Variants in HIPK3 observed in about 807,000 individuals in gnomAD.
HIPK3 encodes the protein homeodomain interacting protein kinase 3.
A neutral mutation model predicts 124.2 loss-of-function variants in HIPK3; 47 were observed. The observed-to-expected ratio is 0.38, with a 90% CI of 0.30 to 0.48. The LOEUF (loss-of-function observed/expected upper bound fraction) is 0.48. Ranked by LOEUF, HIPK3 falls within the 20% of genes least tolerant of loss-of-function variation. The pLI, the probability that HIPK3 is intolerant of heterozygous loss-of-function variation, is 0.98. For missense variants in HIPK3, 1,286 were observed against 1,454.3 expected (o/e 0.88, Z 1.88); for synonymous variants, 482 against 515.2 (o/e 0.94, Z 0.87).
chr11:33,268,940 T>C (rs771102870), intron 1 of HIPK3, among the ~76,000 whole-genome samples: 3 of 152,236 alleles, frequency 2.0e-5, no homozygotes, highest in Non-Finnish European at 4.4e-5. Context: ...GGGAATGTTA[T>C]ACTTTCATTT....
At chr11:33,326,375 TTAAGA>T (rs1406618164) in intron 2 of HIPK3, among the ~76,000 whole-genome samples, 1 of 152,150 alleles carries the variant, frequency 6.6e-6, no homozygotes, top group Non-Finnish European at 1.5e-5. Flanking sequence ...CCAGTCTCAG[TTAAGA>T]AATTAGCAGG....
At chr11:33,306,364 A>AT (rs1257133922) in intron 2 of HIPK3, among the ~76,000 whole-genome samples, 1 of 152,196 alleles carries the variant, frequency 6.6e-6, no homozygotes, top group Non-Finnish European at 1.5e-5. Context: ...GAAAAAATAA[A>AT]TTCATTGAGG....
intron 1 of HIPK3, among the ~76,000 whole-genome samples, chr11:33,270,565 CT>C (rs1851098202): frequency 6.6e-6 from 1 of 152,088 alleles, no homozygotes; most frequent in Non-Finnish European, 1.5e-5. Flanking sequence ...CTTATTACAA[CT>C]TTATATGAAC....
chr11:33,280,800 T>C (rs1022893251), intron 1 of HIPK3, among the ~76,000 whole-genome samples: 3 of 152,242 alleles, frequency 2.0e-5, no homozygotes, highest in Non-Finnish European at 2.9e-5. Flanking sequence ...TAACATGGCA[T>C]GAATTAGCCT....
intron 2 of HIPK3, among the ~76,000 whole-genome samples, chr11:33,310,281 T>TATCTATC (rs1554965371): frequency 0.12 from 14,809 of 120,670 alleles, 1,030 homozygotes; most frequent in Middle Eastern, 0.21. Context: ...TCTGTCTATC[T>TATCTATC]TATCTATCTA....
At chr11:33,342,133 G>A (rs1474044412) in intron 8 of HIPK3, among the ~76,000 whole-genome samples, 1 of 142,708 alleles carries the variant, frequency 7.0e-6, no homozygotes, top group African/African-American at 2.6e-5. Flanking sequence ...AAAAATTTAA[G>A]CTGTTCAATA....
rs753336952 is a variant in HIPK3, at chr11:33,348,019, TA to T, written c.2306+7del. 9.9e-6 allele frequency: 16 copies of T among 1,613,882 alleles called. No homozygotes were observed. The South Asian group carries it at 1.8e-4, about 18-fold the overall frequency. ...AATAAACAGTGCCAGAACAGGTTGG[TA>T]TTGGTGCTTTAGCTTTCCTCTGCAT... On this transcript the variant is annotated splice_region_variant and intron_variant, in intron 11 of 16. Transcript: ENST00000303296.
chr11:33,258,511 T>C, intron 1 of HIPK3: 1 of 985,376 alleles, frequency 1.0e-6, no homozygotes, highest in Non-Finnish European at 1.2e-6. Context: ...GATCCGCGGC[T>C]CCGCGTCCCC....
chr11:33,283,738 G>T (rs926260322), intron 1 of HIPK3, among the ~76,000 whole-genome samples: 6 of 151,438 alleles, frequency 4.0e-5, no homozygotes, highest in African/African-American at 1.5e-4. Context: ...ACAGTGGCGC[G>T]ATCTCGGCTC....
At chr11:33,270,992 T>A (rs1480783820) in intron 1 of HIPK3, among the ~76,000 whole-genome samples, 1 of 152,192 alleles carries the variant, frequency 6.6e-6, no homozygotes, top group African/African-American at 2.4e-5. Context: ...ATTTAACCTC[T>A]TGTTAATGTG....
At chr11:33,293,033 G>A (rs746158532) in intron 2 of HIPK3, among the ~76,000 whole-genome samples, 1 of 152,094 alleles carries the variant, frequency 6.6e-6, no homozygotes, top group East Asian at 1.9e-4. Flanking sequence ...CACCGCTCCC[G>A]GCCAAATGAA....
intron 1 of HIPK3, among the ~76,000 whole-genome samples, chr11:33,285,330 AAT>A (rs1193018129): frequency 0.046 from 6 of 130 alleles, no homozygotes; most frequent in South Asian, 0.5. Context: ...AATATTTTCC[AAT>A]ATATTTGGAG....
intron 2 of HIPK3, among the ~76,000 whole-genome samples, chr11:33,294,178 T>C (rs1035269635): frequency 6.6e-6 from 1 of 151,516 alleles, no homozygotes; most frequent in Non-Finnish European, 1.5e-5. Flanking sequence ...AAAAACGTAG[T>C]TGGAGCAAGG....
chr11:33,279,219 C>T (rs554491825), intron 1 of HIPK3, among the ~76,000 whole-genome samples: 14 of 142,378 alleles, frequency 9.8e-5, no homozygotes, highest in Middle Eastern at 3.5e-3. Context: ...GAGGCTGAGG[C>T]GCGAGAATCA....
intron 2 of HIPK3, among the ~76,000 whole-genome samples, chr11:33,327,220 AATT>A (rs537076586): frequency 1.2e-4 from 19 of 152,166 alleles, no homozygotes; most frequent in Non-Finnish European, 2.4e-4. Flanking sequence ...TCAAAGTAAA[AATT>A]ATTAGTAATG....
In HIPK3 at chr11:33,352,130, G is replaced by A. The variant is rs548422051; in HGVS notation, c.3044-8G>A. On this transcript the variant is annotated splice_polypyrimidine_tract_variant and splice_region_variant and intron_variant, in intron 15 of 16. Coordinates refer to ENST00000303296, the MANE Select transcript of HIPK3 (RefSeq NM_005734.5). ...GCATAAACTCTTTAATATTTTATTC[G>A]TCGCCAGATTCTATATGCCAGCCAT... 2.0e-5 allele frequency: 33 copies of A among 1,610,772 alleles called. No individual in the cohort carries two copies. Among genetic ancestry groups the A allele is most frequent in the South Asian group, 3.3e-5 (3 of 90,924 alleles).
chr11:33,306,473 T>TA (rs771269831), intron 2 of HIPK3, among the ~76,000 whole-genome samples: 49 of 151,988 alleles, frequency 3.2e-4, no homozygotes, highest in Admixed American at 6.6e-4. Context: ...TGCTTTTTTT[T>TA]AAAAAAAATT....
At position 33,347,267 on chromosome 11, in the gene HIPK3, T is replaced by C. The variant is rs761540775; in HGVS notation, c.1898-26T>C. The C allele has an allele frequency of 2.0e-5, 32 of 1,586,780 alleles. No individual in the cohort carries two copies. The South Asian group carries it at 3.6e-4, about 18-fold the overall frequency. On this transcript the variant is annotated intron_variant, in intron 8 of 16. Transcript: ENST00000303296. Reference sequence around the variant, plus strand: ...TAAATAAGAGGAAGATTTTTTCTTTTATTTGATAACTATTCTGTTTCACAG... The same window carrying C: ...TAAATAAGAGGAAGATTTTTTCTTTCATTTGATAACTATTCTGTTTCACAG...
In HIPK3 at chr11:33,354,220, G is replaced by A. The variant is rs867734527; in HGVS notation, c.*652G>A. ...TACTATTTAGTTTCCTTTTGATAGC[G>A]TAATGTTCATTTTTGTTTTTGTGTG... On this transcript the variant is annotated 3_prime_UTR_variant, in exon 17 of 17. Coordinates refer to ENST00000303296, the MANE Select transcript of HIPK3 (RefSeq NM_005734.5). The A allele has an allele frequency of 6.6e-6, 1 of 152,622 alleles. No homozygotes were observed. Among genetic ancestry groups the A allele is most frequent in the African/African-American group, 2.4e-5 (1 of 41,462 alleles). The allele number at this position is 152,622 out of a possible 1,614,324, so 9.5% of individuals were successfully genotyped here.
Sources: gnomAD v4.1 joint callset for allele counts (sites outside exome capture counted in the v4.1 genomes callset) on GRCh38, gnomAD v4.1.1 for gene constraint, MANE v1.5 for transcripts, NCBI Gene and HGNC (gene_info 2026-07-23, HGNC 2026-07-21) for gene names.